PRIM2: variants seen among roughly 807,000 people sequenced by gnomAD.
The protein encoded by PRIM2 is DNA primase large subunit.
A neutral mutation model predicts 67.3 loss-of-function variants in PRIM2; 39 were observed. That is an observed-to-expected ratio of 0.58 (90% CI 0.45 to 0.76). The LOEUF is 0.76. Among genes scored for constraint, PRIM2 ranks in the 30% least tolerant of loss-of-function variants. The probability of loss-of-function intolerance (pLI) is 0.00; values close to 1 mark genes in which losing one functional copy is unlikely to be tolerated. For synonymous variants in PRIM2, 143 were observed against 198.7 expected, an observed-to-expected ratio of 0.72 and a Z score of 2.36; for missense variants, 398 against 598.7, an observed-to-expected ratio of 0.66 and a Z score of 3.50.
chr6:57,601,327 G>C, intron 11 of PRIM2, 108 bp downstream of exon 11: 1 of 1,224,384 alleles, frequency 8.2e-7, no homozygotes, highest in Non-Finnish European at 1.1e-6. Context: ...GACCTAGTTT[G>C]TATCTTATCT....
chr6:57,308,653 G>A, the PRIM2 span, among the ~76,000 whole-genome samples: 71 of 152,192 alleles, frequency 4.7e-4, no homozygotes, highest in African/African-American at 1.7e-3. Context: ...TATAGTACAC[G>A]AGTTCCTAGT....
chr6:57,614,355 C>G (rs1257184767), intron 12 of PRIM2, among the ~76,000 whole-genome samples: 3 of 152,062 alleles, frequency 2.0e-5, no homozygotes, highest in Non-Finnish European at 4.4e-5. Flanking sequence ...GGTTGGAGAC[C>G]ATTGTGTTAC....
At chr6:57,478,648 G>A (rs1471628317) in intron 7 of PRIM2, among the ~76,000 whole-genome samples, 6 of 152,120 alleles carry the variant, frequency 3.9e-5, no homozygotes, top group African/African-American at 1.4e-4. Flanking sequence ...AGGTTGGCCT[G>A]TGCACTAGAA....
chr6:57,457,569 G>T (rs1281439423), intron 7 of PRIM2, among the ~76,000 whole-genome samples: 1 of 152,264 alleles, frequency 6.6e-6, no homozygotes, highest in East Asian at 1.9e-4. Flanking sequence ...GGCTCTGTGG[G>T]TGTAGGACCC....
At chr6:57,459,807 C>T (rs1433316420) in intron 7 of PRIM2, among the ~76,000 whole-genome samples, 5 of 152,146 alleles carry the variant, frequency 3.3e-5, no homozygotes, top group South Asian at 2.1e-4. Flanking sequence ...TACTTAAAGT[C>T]AGCTGATTGT....
intron 7 of PRIM2, among the ~76,000 whole-genome samples, chr6:57,455,784 A>G (rs9464501): frequency 1.3e-5 from 2 of 152,204 alleles, no homozygotes. Context: ...TAGCCCATTT[A>G]CATTTAAAGT....
At position 57,572,751 on chromosome 6, in the gene PRIM2, TG is replaced by T. The variant is rs1252250512; in HGVS notation, c.1021-28336del. 5.9e-5 allele frequency among the ~76,000 whole-genome samples: 9 copies of T among 152,178 alleles called. No homozygotes were observed. In the East Asian group the frequency reaches 1.7e-3, roughly 29 times the overall value. On this transcript the variant is annotated intron_variant, in intron 10 of 13. Transcript: ENST00000615550. ...AAGAAAGAGAGACCAAATCACGTGA[TG>T]GGGGGTACATCCATTGTTTAAACAA...
At chr6:57,262,657 C>T in the PRIM2 span, among the ~76,000 whole-genome samples, 1 of 152,158 alleles carries the variant, frequency 6.6e-6, no homozygotes, top group South Asian at 2.1e-4. Flanking sequence ...TGGGAAGCCT[C>T]CATTTGGCCT....
the PRIM2 span, among the ~76,000 whole-genome samples, chr6:57,285,368 C>A: frequency 1.3e-5 from 2 of 152,184 alleles, no homozygotes; most frequent in Non-Finnish European, 2.9e-5. Flanking sequence ...ATGCGAAAAT[C>A]CTCAATAAAA....
chr6:57,305,628 A>G, the PRIM2 span, among the ~76,000 whole-genome samples: 1 of 152,228 alleles, frequency 6.6e-6, no homozygotes, highest in Non-Finnish European at 1.5e-5. Flanking sequence ...GTGAAATTGT[A>G]ATTGAAAGTA....
At chr6:57,521,423 C>T (rs1448775669) in intron 8 of PRIM2, among the ~76,000 whole-genome samples, 9 of 117,622 alleles carry the variant, frequency 7.7e-5, no homozygotes, top group Non-Finnish European at 3.3e-5. Context: ...ATTGTGATTG[C>T]AAAAAATAGA....
chr6:57,351,993 T>G (rs1403068330), intron 5 of PRIM2, among the ~76,000 whole-genome samples: 1 of 152,174 alleles, frequency 6.6e-6, no homozygotes, highest in Non-Finnish European at 1.5e-5. Context: ...GTTGTGAAAT[T>G]GAATGGAATC....
At chr6:57,261,671 C>G in the PRIM2 span, among the ~76,000 whole-genome samples, 1 of 152,160 alleles carries the variant, frequency 6.6e-6, no homozygotes, top group African/African-American at 2.4e-5. Flanking sequence ...CCCTTGATAG[C>G]TGGTTTCCAG....
chr6:57,338,475 C>G (rs890487213), intron 5 of PRIM2, among the ~76,000 whole-genome samples: 1 of 150,482 alleles, frequency 6.6e-6, no homozygotes, highest in Admixed American at 6.6e-5. Flanking sequence ...TACTGGCAAA[C>G]CGAATCCAGC....
chr6:57,259,519 TTAAGAGA>T, the PRIM2 span, among the ~76,000 whole-genome samples: 53 of 152,296 alleles, frequency 3.5e-4, no homozygotes, highest in African/African-American at 1.2e-3. Context: ...TCATTTTTTT[TTAAGAGA>T]TAAGGGTATG....
chr6:57,614,864 A>ATGTGTGTG (rs1554357402), intron 12 of PRIM2, among the ~76,000 whole-genome samples: 1 of 150,748 alleles, frequency 6.6e-6, no homozygotes, highest in African/African-American at 2.4e-5. Flanking sequence ...ATATATATAT[A>ATGTGTGTG]TGTATGTGTG....
At chr6:57,553,322 C>A (rs1411280916) in intron 10 of PRIM2, among the ~76,000 whole-genome samples, 16 of 151,930 alleles carry the variant, frequency 1.1e-4, no homozygotes, top group Admixed American at 1.1e-3. Context: ...TAGATTAATT[C>A]TCTTGGATAT....
chr6:57,374,816 C>T (rs1203484895), intron 5 of PRIM2, among the ~76,000 whole-genome samples: 1 of 152,090 alleles, frequency 6.6e-6, no homozygotes, highest in Non-Finnish European at 1.5e-5. Context: ...GAACTCCTGA[C>T]CTGAGGTGGT....
intron 5 of PRIM2, among the ~76,000 whole-genome samples, chr6:57,369,258 T>C (rs1411712031): frequency 6.6e-6 from 1 of 152,158 alleles, no homozygotes; most frequent in Admixed American, 6.5e-5. Context: ...TGAAATTGCC[T>C]CTCTCAGTTC....
Sources: gnomAD v4.1 joint callset for allele counts (sites outside exome capture counted in the v4.1 genomes callset) on GRCh38, gnomAD v4.1.1 for gene constraint, MANE v1.5 for transcripts, NCBI Gene and HGNC (gene_info 2026-07-23, HGNC 2026-07-21) for gene names.